CHFR: variants seen among roughly 807,000 people sequenced by gnomAD.
CHFR encodes the protein E3 ubiquitin-protein ligase CHFR.
Under a neutral mutation model 87.6 loss-of-function variants are expected in CHFR, and 57 were observed. The ratio of observed to expected loss-of-function variants is 0.65; its 90% CI spans 0.53 to 0.81. CHFR has a LOEUF of 0.81. Ranked by LOEUF, CHFR falls within the 30% of genes least tolerant of loss-of-function variation. The probability of loss-of-function intolerance (pLI) is 0.00; values close to 1 mark genes in which losing one functional copy is unlikely to be tolerated. For synonymous variants in CHFR, 381 were observed against 359.2 expected (o/e 1.06, Z -0.69); for missense variants, 797 against 865.8 (o/e 0.92, Z 1.00).
At chr12:132,854,169 A>G (rs969889610) in intron 10 of CHFR, 1 of 152,298 alleles carries the variant, frequency 6.6e-6, no homozygotes, top group Non-Finnish European at 1.5e-5. Flanking sequence ...GTAAGACCCA[A>G]CCAGGTAAAA....
chr12:132,881,352 A>C (rs1466133060), intron 2 of CHFR, among the ~76,000 whole-genome samples: 1 of 152,246 alleles, frequency 6.6e-6, no homozygotes, highest in Admixed American at 6.5e-5. Context: ...TGTAAAACAC[A>C]TATCTGACAA....
In CHFR at chr12:132,877,598, C is replaced by G. The variant is rs781107351; in HGVS notation, c.190G>C (p.Val64Leu). ...ACCTGACCTGATTTTTCATCCACTA[C>G]AATTCTACAGTGATCTCCAGAGACC... ...KLVSGDHCRI[V>L]VDEKSGQVTL... The change falls in exon 3 of 18, where the codon GTA becomes CTA. Residue 64 changes from valine to leucine, a missense_variant. This residue lies in a region of CHFR where 597 missense variants were observed against 601.2 expected (regional missense o/e 0.99). Coordinates refer to ENST00000450056, the MANE Select transcript of CHFR (RefSeq NM_001161346.2). 1.9e-6 allele frequency: 3 copies of G among 1,613,576 alleles called. No homozygotes were observed. Among genetic ancestry groups the G allele is most frequent in the Non-Finnish European group, 2.5e-6 (3 of 1,179,750 alleles).
chr12:132,851,749 G>C lies in CHFR; in HGVS notation c.1373-12C>G, dbSNP rs750312312. On this transcript the variant is annotated splice_polypyrimidine_tract_variant and intron_variant, in intron 11 of 17. Coordinates refer to ENST00000450056, the MANE Select transcript of CHFR (RefSeq NM_001161346.2). ...GTAATCCTGGACTGCTGAAGCACAC[G>C]CACATTCAGCCGGAGCACGTGGGAC... 6.2e-7 allele frequency: 1 copy of C among 1,605,922 alleles called. No individual in the cohort carries two copies. Among genetic ancestry groups the C allele is most frequent in the East Asian group, 2.2e-5 (1 of 44,560 alleles).
Position 132,853,580 on chromosome 12 carries a change from G to C in CHFR, c.1230-7C>G, listed in dbSNP as rs902265625. 3.3e-6 allele frequency: 5 copies of C among 1,526,808 alleles called. No homozygotes were observed. Among genetic ancestry groups the C allele is most frequent in the Non-Finnish European group, 4.4e-6 (5 of 1,140,630 alleles). 94.6% of individuals were successfully genotyped at this position (1,526,808 alleles called of 1,614,324 possible). ...GCACACGACGTATGGCTGGCTGCAA[G>C]GAAGCACAGGGCCGAGCTGTGTGCA... On this transcript the variant is annotated splice_region_variant and splice_polypyrimidine_tract_variant and intron_variant, in intron 10 of 17. Coordinates refer to ENST00000450056, the MANE Select transcript of CHFR (RefSeq NM_001161346.2).
chr12:132,860,681 A>C (rs1368276043), intron 7 of CHFR, among the ~76,000 whole-genome samples: 1 of 152,208 alleles, frequency 6.6e-6, no homozygotes, highest in African/African-American at 2.4e-5. Flanking sequence ...TTCTCCCTAA[A>C]TCATCTTCAA....
intron 15 of CHFR, among the ~76,000 whole-genome samples, chr12:132,845,080 TTAAAA>T (rs35245349): frequency 0.83 from 125,701 of 151,828 alleles, 54,521 homozygotes; most frequent in Non-Finnish European, 0.98. Context: ...AACATCAAAA[TTAAAA>T]TAAATACAAC....
chr12:132,847,600 G>A, intron 14 of CHFR: 1 of 1,071,078 alleles, frequency 9.3e-7, no homozygotes, highest in Non-Finnish European at 1.1e-6. Flanking sequence ...CAAGCCTCAA[G>A]GCCCCACCAT....
At chr12:132,875,060 A>G (rs374133871) in intron 3 of CHFR, among the ~76,000 whole-genome samples, 21 of 136,452 alleles carry the variant, frequency 1.5e-4, no homozygotes, top group Middle Eastern at 4.9e-3. Context: ...AGCACCCAGC[A>G]TGGGGAAGCC....
intron 14 of CHFR, chr12:132,847,684 G>C (rs369914434): frequency 1.8e-6 from 2 of 1,099,764 alleles, no homozygotes; most frequent in Non-Finnish European, 1.1e-6. Context: ...CCTAGAAACC[G>C]AGGTAGCTTC....
intron 3 of CHFR, among the ~76,000 whole-genome samples, chr12:132,874,501 G>A (rs934545679): frequency 6.6e-6 from 1 of 151,266 alleles, no homozygotes; most frequent in Non-Finnish European, 1.5e-5. Flanking sequence ...CCCTGGAACA[G>A]GTGGGAAGGC....
intron 13 of CHFR, 157 bp downstream of exon 13, chr12:132,848,484 C>T (rs1950873716): frequency 1.3e-5 from 9 of 695,544 alleles, no homozygotes; most frequent in Non-Finnish European, 2.3e-5. Context: ...ATTTGACACA[C>T]CTCTGCAGTC....
intron 10 of CHFR, 187 bp from the exon 11 acceptor site, chr12:132,853,760 G>C: frequency 1.6e-6 from 1 of 632,266 alleles, no homozygotes. Context: ...ACGAGTCGAA[G>C]GGCAAGGACA....
chr12:132,867,712 T>A (rs1051852868), intron 6 of CHFR: 2 of 152,114 alleles, frequency 1.3e-5, no homozygotes, highest in African/African-American at 4.8e-5. Flanking sequence ...ATCTGCAGAC[T>A]GCTATGGAAT....
intron 16 of CHFR, 103 bp downstream of exon 16, chr12:132,843,924 G>A: frequency 1.4e-6 from 1 of 689,856 alleles, no homozygotes; most frequent in Non-Finnish European, 2.6e-6. Flanking sequence ...ACTCCAGCCT[G>A]GGCAAAAACA....
chr12:132,886,984 C>T (rs1951910083), intron 2 of CHFR, among the ~76,000 whole-genome samples: 1 of 152,232 alleles, frequency 6.6e-6, no homozygotes, highest in African/African-American at 2.4e-5. Context: ...ATGAACACAA[C>T]TAACTTATAC....
intron 10 of CHFR, among the ~76,000 whole-genome samples, chr12:132,856,253 C>A (rs113473501): frequency 6.6e-6 from 1 of 152,182 alleles, no homozygotes; most frequent in African/African-American, 2.4e-5. Context: ...CTGGCTACCC[C>A]GCTAAGTGTT....
chr12:132,874,245 A>C (rs1331575303), intron 3 of CHFR, among the ~76,000 whole-genome samples: 1 of 152,266 alleles, frequency 6.6e-6, no homozygotes, highest in Non-Finnish European at 1.5e-5. Context: ...ATAAGAAAGT[A>C]CCACCACCAT....
chr12:132,841,895 T>C (rs1208680388), intron 17 of CHFR, among the ~76,000 whole-genome samples: 1 of 151,978 alleles, frequency 6.6e-6, no homozygotes, highest in Non-Finnish European at 1.5e-5. Flanking sequence ...TCACTTGAGG[T>C]CAGGAGTTCG....
At chr12:132,873,575 G>C (rs1951544215) in intron 3 of CHFR, among the ~76,000 whole-genome samples, 1 of 150,894 alleles carries the variant, frequency 6.6e-6, no homozygotes, top group East Asian at 2.0e-4. Flanking sequence ...ACACGGACTT[G>C]GGTGCATGCA....
Sources: allele counts gnomAD v4.1 joint callset (sites outside exome capture counted in the v4.1 genomes callset), GRCh38; gene constraint gnomAD v4.1.1; regional missense constraint gnomAD v4.1.1; transcripts MANE v1.5; gene names NCBI Gene and HGNC (gene_info 2026-07-23, HGNC 2026-07-21).